FBXO3: variants seen among roughly 807,000 people sequenced by gnomAD.
FBXO3 encodes F-box only protein 3.
FBXO3 carries 17 observed loss-of-function variants against 64.8 expected under a neutral mutation model. That is an observed-to-expected ratio of 0.26 (90% CI 0.18 to 0.39). The LOEUF (loss-of-function observed/expected upper bound fraction) is 0.39. Ranked by LOEUF, FBXO3 falls within the 10% of genes least tolerant of loss-of-function variation. The pLI is 1.00. For missense variants in FBXO3, 420 were observed against 589.9 expected (o/e 0.71, Z 2.98); for synonymous variants, 182 against 201.6 (o/e 0.90, Z 0.82).
chr11:33,760,469 C>T (rs1038219271), intron 3 of FBXO3, among the ~76,000 whole-genome samples: 3 of 151,736 alleles, frequency 2.0e-5, no homozygotes, highest in Admixed American at 6.6e-5. Context: ...ATAGCAAGAC[C>T]CCATCTATAA....
intron 9 of FBXO3, among the ~76,000 whole-genome samples, chr11:33,748,353 A>G (rs913613622): frequency 5.9e-5 from 9 of 152,240 alleles, no homozygotes; most frequent in African/African-American, 2.2e-4. Flanking sequence ...AACCTGAAGC[A>G]TCTGAGGGCT....
At position 33,774,454 on chromosome 11, in the gene FBXO3, G is replaced by A. The variant is rs1414366217; in HGVS notation, c.44C>T (p.Ser15Leu). The A allele has an allele frequency of 4.4e-6, 7 of 1,598,598 alleles. No homozygotes were observed. The South Asian group carries it at 6.7e-5, about 15-fold the overall frequency. Reference protein sequence around the residue: ...ETETAPLTLESLPTDPLLLIL... With the variant: ...ETETAPLTLELLPTDPLLLIL... ...GAGGAGCAGGGGATCGGTGGGCAGCGACTCTAGGGTCAGCGGCGCCGTCTC... is the reference window on the plus strand; with the variant it reads ...GAGGAGCAGGGGATCGGTGGGCAGCAACTCTAGGGTCAGCGGCGCCGTCTC... Residue 15 changes from serine to leucine, a missense_variant, in exon 1 of 11, where the codon TCG (serine) becomes TTG (leucine). Around this residue, in one of 3 missense-constraint regions of FBXO3, gnomAD observed 337 missense variants for 518.4 expected, o/e 0.65. Transcript: ENST00000265651.
At chr11:33,769,043 A>C (rs1217506781) in intron 2 of FBXO3, 29 bp from the exon 3 acceptor site, 2 of 1,550,956 alleles carry the variant, frequency 1.3e-6, no homozygotes, top group Admixed American at 2.0e-5. Flanking sequence ...TGAGATTTTA[A>C]ATCTTTTAAA....
At chr11:33,748,636 ATTAT>A in intron 9 of FBXO3, 137 bp downstream of exon 9, 2 of 469,580 alleles carry the variant, frequency 4.3e-6, no homozygotes, top group Non-Finnish European at 7.5e-6. Flanking sequence ...TAAGTTTGCT[ATTAT>A]TTCAGAAAAG....
intron 3 of FBXO3, among the ~76,000 whole-genome samples, chr11:33,764,035 ACCCAG>A (rs2133616558): frequency 6.6e-6 from 1 of 152,342 alleles, no homozygotes; most frequent in African/African-American, 2.4e-5. Flanking sequence ...CCAGATATTT[ACCCAG>A]TAGAAATATA....
rs909306828 is a variant in FBXO3, at chr11:33,757,054, T to TTA, written c.474-1081_474-1080dup. ...CCCCAAGATTTGACTTCTGAATACC[T>TTA]TATAATCTCAATGTGATCACCTTTG... On this transcript the variant is annotated intron_variant, in intron 4 of 10. Transcript: ENST00000265651. 6 of 518,926 alleles carry TTA rather than the reference T, an allele frequency of 1.2e-5. No individual in the cohort carries two copies. In the Admixed American group the frequency reaches 1.2e-4, roughly 10 times the overall value. 32.1% of individuals were successfully genotyped at this position (518,926 alleles called of 1,614,324 possible). A position where few individuals can be genotyped will look rare whatever the true frequency, so the allele number is the denominator to read the frequency against.
intron 1 of FBXO3, chr11:33,771,479 G>A (rs1855509871): frequency 6.6e-6 from 1 of 152,160 alleles, no homozygotes. Context: ...TAACACAACA[G>A]TGTTGCAATC....
chr11:33,774,428 T>G lies in FBXO3; in HGVS notation c.70A>C (p.Ile24Leu), dbSNP rs751853928. ...ESLPTDPLLLILSFLDYRDLI... is the reference protein window; with the variant it reads ...ESLPTDPLLLLLSFLDYRDLI... ...TCCCGATAGTCCAAAAAGGATAAGA[T>G]GAGGAGCAGGGGATCGGTGGGCAGC... is the stretch of plus-strand genomic sequence containing the variant. Residue 24 changes from isoleucine (I) to leucine (L), a missense_variant, in exon 1 of 11, where the codon ATC becomes CTC. Coordinates refer to ENST00000265651, the MANE Select transcript of FBXO3 (RefSeq NM_012175.4). The G allele has an allele frequency of 6.2e-7, 1 of 1,604,570 alleles. No individual in the cohort carries two copies. Among genetic ancestry groups the G allele is most frequent in the Non-Finnish European group, 8.5e-7 (1 of 1,175,806 alleles).
intron 3 of FBXO3, 100 bp from the exon 4 acceptor site, chr11:33,758,701 T>C (rs1174676238): frequency 1.4e-6 from 1 of 729,830 alleles, no homozygotes. Flanking sequence ...TTGGAATGAG[T>C]GAATTCTGTC....
chr11:33,748,804 C>T lies in FBXO3; in HGVS notation c.1021G>A (p.Glu341Lys), dbSNP rs749307773. The T allele has an allele frequency of 6.2e-7, 1 of 1,613,556 alleles. No individual in the cohort carries two copies. The highest frequency in any genetic ancestry group is 1.1e-5 in the South Asian group (1 of 91,060). The part of the protein sequence containing the change: ...WRITNAKGDV[E>K]EVQGPGVVGE... Reference sequence around the variant, plus strand: ...ACTACTCCAGGTCCTTGAACTTCTTCCACGTCACCCTTAGCATTTGTTATT... The same window carrying T: ...ACTACTCCAGGTCCTTGAACTTCTTTCACGTCACCCTTAGCATTTGTTATT... Residue 341 changes from glutamate (E) to lysine (K), a missense_variant, in exon 9 of 11, where the codon GAA becomes AAA. This residue lies in a region of FBXO3 where 337 missense variants were observed against 518.4 expected (regional missense o/e 0.65). Coordinates refer to ENST00000265651, the MANE Select transcript of FBXO3 (RefSeq NM_012175.4).
At position 33,750,536 on chromosome 11, in the gene FBXO3, C is replaced by T. The variant is rs1590566262; in HGVS notation, c.932+3G>A. ...GAAAGGTGACCCCATTTAAAATTCT[C>T]ACCTGATTCGGTATGTGAAGAAATA... is the stretch of plus-strand genomic sequence containing the variant. On this transcript the variant is annotated splice_donor_region_variant and intron_variant, in intron 8 of 10. Coordinates refer to ENST00000265651, the MANE Select transcript of FBXO3 (RefSeq NM_012175.4). 1 of 1,613,530 alleles carries T rather than the reference C, an allele frequency of 6.2e-7. No individual in the cohort carries two copies.
Position 33,741,963 on chromosome 11 carries a change from C to G in FBXO3, c.1361G>C (p.Arg454Pro). ...ESDEDDEEERRRRVFDVPIRR... is the reference protein window; with the variant it reads ...ESDEDDEEERPRRVFDVPIRR... ...AATGGGAACATCAAAGACTCTCCTCCGTCTCTCCTCTTCATCATCTTCATC... is the reference window on the plus strand; with the variant it reads ...AATGGGAACATCAAAGACTCTCCTCGGTCTCTCCTCTTCATCATCTTCATC... Residue 454 changes from arginine (R) to proline (P), a missense_variant, in exon 11 of 11, where the codon CGG becomes CCG. Coordinates refer to ENST00000265651, the MANE Select transcript of FBXO3 (RefSeq NM_012175.4). The G allele has an allele frequency of 6.2e-7, 1 of 1,613,952 alleles. No homozygotes were observed. Among genetic ancestry groups the G allele is most frequent in the South Asian group, 1.1e-5 (1 of 91,054 alleles).
chr11:33,761,728 T>C (rs1156278965), intron 3 of FBXO3, among the ~76,000 whole-genome samples: 1 of 152,212 alleles, frequency 6.6e-6, no homozygotes, highest in Non-Finnish European at 1.5e-5. Context: ...CTGGGGCTGC[T>C]ATCTCATCTT....
chr11:33,760,520 C>G (rs1022522139), intron 3 of FBXO3, among the ~76,000 whole-genome samples: 1 of 151,754 alleles, frequency 6.6e-6, no homozygotes, highest in Non-Finnish European at 1.5e-5. Context: ...GGTGTCGCAC[C>G]TGTAGTCCCA....
chr11:33,741,701 T>A lies in FBXO3; in HGVS notation c.*207A>T, dbSNP rs1261596074. On this transcript the variant is annotated 3_prime_UTR_variant, in exon 11 of 11. Transcript: ENST00000265651. ...TGACTCCTGGAAGAGAAAAAAAAGA[T>A]TCCCATTTCTTCCTCTACCTCAAAA... is the stretch of plus-strand genomic sequence containing the variant. The A allele has an allele frequency of 5.0e-6, 2 of 397,314 alleles. No homozygotes were observed. The highest frequency in any genetic ancestry group is 7.6e-5 in the East Asian group (2 of 26,234). 24.6% of individuals were successfully genotyped at this position (397,314 alleles called of 1,614,324 possible). A position where few individuals can be genotyped will look rare whatever the true frequency, so the allele number is the denominator to read the frequency against.
intron 3 of FBXO3, among the ~76,000 whole-genome samples, chr11:33,767,992 A>G (rs954460551): frequency 1.3e-5 from 2 of 152,238 alleles, no homozygotes; most frequent in African/African-American, 4.8e-5. Context: ...TTTGTATGAA[A>G]GTAATATTTG....
intron 9 of FBXO3, among the ~76,000 whole-genome samples, chr11:33,747,820 A>AT (rs1854855605): frequency 6.8e-6 from 1 of 148,108 alleles, no homozygotes; most frequent in South Asian, 2.1e-4. Context: ...CCCTCTCAAC[A>AT]TTTTTTTAAT....
At chr11:33,745,945 T>C (rs1043913115) in intron 10 of FBXO3, 4 of 152,188 alleles carry the variant, frequency 2.6e-5, no homozygotes, top group Non-Finnish European at 5.9e-5. Flanking sequence ...CAAGTGACTA[T>C]GGCTTTTGTA....
At chr11:33,758,668 A>G (rs1855167968) in intron 3 of FBXO3, 67 bp from the exon 4 acceptor site, 1 of 1,057,848 alleles carries the variant, frequency 9.5e-7, no homozygotes, top group Non-Finnish European at 1.4e-6. Flanking sequence ...AATGCAATCT[A>G]TCTGCTAACT....
Sources: allele counts gnomAD v4.1 joint callset (sites outside exome capture counted in the v4.1 genomes callset), GRCh38; gene constraint gnomAD v4.1.1; regional missense constraint gnomAD v4.1.1; transcripts MANE v1.5; gene names NCBI Gene and HGNC (gene_info 2026-07-23, HGNC 2026-07-21).